The following NDST3 variants were observed in gnomAD, a reference collection of about 807,000 sequenced individuals.
NDST3 encodes N-deacetylase and N-sulfotransferase 3, also known as bifunctional heparan sulfate N-deacetylase/N-sulfotransferase 3.
NDST3 carries 58 observed loss-of-function variants against 96.1 expected under a neutral mutation model. The observed-to-expected ratio is 0.60, with a 90% CI of 0.49 to 0.75. NDST3 has a LOEUF of 0.75. NDST3 is among the 30% of genes least tolerant of loss of function. The pLI is 0.00. For synonymous variants in NDST3, 333 were observed against 359.7 expected, an observed-to-expected ratio of 0.93 and a Z score of 0.84; for missense variants, 788 against 1,034.2, an observed-to-expected ratio of 0.76 and a Z score of 3.27.
chr4:118,118,516 T>G (rs141168679), intron 4 of NDST3, among the ~76,000 whole-genome samples: 2 of 152,374 alleles, frequency 1.3e-5, no homozygotes, highest in African/African-American at 4.8e-5. Flanking sequence ...CTATTATCCT[T>G]TTGCACAATG....
At chr4:118,034,965 C>T (rs1001511889) in intron 1 of NDST3, among the ~76,000 whole-genome samples, 1 of 152,144 alleles carries the variant, frequency 6.6e-6, no homozygotes, top group Admixed American at 6.5e-5. Context: ...ACCTGCCTAT[C>T]TACACAGTAA....
chr4:118,065,308 A>G (rs1378840074), intron 2 of NDST3, among the ~76,000 whole-genome samples: 1 of 152,148 alleles, frequency 6.6e-6, no homozygotes, highest in Non-Finnish European at 1.5e-5. Flanking sequence ...ACATGCTCAA[A>G]CAATTACTCT....
Position 118,166,726 on chromosome 4 carries a change from T to A in NDST3, c.1539+23042T>A, listed in dbSNP as rs1408129858. 2.6e-5 allele frequency among the ~76,000 whole-genome samples: 4 copies of A among 152,030 alleles called. No individual in the cohort carries two copies. In the East Asian group the frequency reaches 7.7e-4, roughly 29 times the overall value. On this transcript the variant is annotated intron_variant, in intron 6 of 13. Coordinates refer to ENST00000296499, the MANE Select transcript of NDST3 (RefSeq NM_004784.3). The stretch of plus-strand genomic sequence containing the variant: ...GACTAAGTGGCATTGATTCTTGGGA[T>A]GCAAGGATGTTTCCACATACAAAAA...
Position 118,256,488 on chromosome 4 carries a change from T to C in NDST3, c.*776T>C, listed in dbSNP as rs542734195. 6.6e-6 allele frequency: 1 copy of C among 152,326 alleles called. No homozygotes were observed. Among genetic ancestry groups the C allele is most frequent in the South Asian group, 2.1e-4 (1 of 4,832 alleles). The allele number at this position is 152,326 out of a possible 1,614,324, so 9.4% of individuals were successfully genotyped here. A position where few individuals can be genotyped will look rare whatever the true frequency, so the allele number is the denominator to read the frequency against. ...AAACAGTAAATAACAATGTAAAGTG[T>C]ACTGACTGAATCCTCTAAAAGGGAG... On this transcript the variant is annotated 3_prime_UTR_variant, in exon 14 of 14. Coordinates refer to ENST00000296499, the MANE Select transcript of NDST3 (RefSeq NM_004784.3).
upstream of NDST3, among the ~76,000 whole-genome samples, chr4:118,033,367 G>A (rs1723979331): frequency 6.6e-6 from 1 of 152,126 alleles, no homozygotes; most frequent in Admixed American, 6.5e-5. Context: ...TTCCCTGGCC[G>A]CACAAGACGT....
intron 6 of NDST3, among the ~76,000 whole-genome samples, chr4:118,187,150 C>T (rs1737016856): frequency 6.6e-6 from 1 of 152,186 alleles, no homozygotes; most frequent in Admixed American, 6.5e-5. Context: ...AAATGAATCT[C>T]TATAATACCC....
At chr4:118,046,805 G>A (rs1170655151) in intron 1 of NDST3, among the ~76,000 whole-genome samples, 2 of 152,190 alleles carry the variant, frequency 1.3e-5, no homozygotes, top group Non-Finnish European at 2.9e-5. Flanking sequence ...AGAGGGGTGA[G>A]ATGCCTATTC....
Position 118,224,672 on chromosome 4 carries a change from A to C in NDST3, c.1721A>C (p.Gln574Pro), listed in dbSNP as rs778002240. Reference sequence around the variant, plus strand: ...CCTGATCAGAAAGACCCTCTCTGGCAGGTAAAATTAATTAAATAATTGATA... The same window carrying C: ...CCTGATCAGAAAGACCCTCTCTGGCCGGTAAAATTAATTAAATAATTGATA... ...LFPDQKDPLWQNPCDDKRHRD... is the reference protein window; with the variant it reads ...LFPDQKDPLWPNPCDDKRHRD... The change falls in exon 7 of 14, where the codon CAG becomes CCG. Residue 574 changes from glutamine (Q) to proline (P), a missense_variant and splice_region_variant. Gln to Pro is a moderately conservative substitution (Grantham distance 76). Transcript: ENST00000296499. 6.4e-7 allele frequency: 1 copy of C among 1,574,366 alleles called. No homozygotes were observed. The highest frequency in any genetic ancestry group is 1.2e-5 in the South Asian group (1 of 82,866).
chr4:118,138,369 G>A (rs1178838327), intron 5 of NDST3, 130 bp downstream of exon 5: 7 of 698,310 alleles, frequency 1.0e-5, no homozygotes, highest in Non-Finnish European at 1.3e-5. Flanking sequence ...AAGCATATTT[G>A]TCATATCTAA....
At chr4:118,079,110 T>C (rs947374847) in intron 2 of NDST3, among the ~76,000 whole-genome samples, 3 of 152,216 alleles carry the variant, frequency 2.0e-5, no homozygotes, top group Non-Finnish European at 2.9e-5. Context: ...AAAATATTAA[T>C]TGGTGTCTAC....
At chr4:118,166,700 T>C (rs1031742972) in intron 6 of NDST3, among the ~76,000 whole-genome samples, 3 of 151,996 alleles carry the variant, frequency 2.0e-5, no homozygotes, top group Non-Finnish European at 2.9e-5. Flanking sequence ...TTATACACCA[T>C]GACTAAGTGG....
At chr4:118,088,320 C>T (rs1174907807) in intron 2 of NDST3, among the ~76,000 whole-genome samples, 1 of 151,972 alleles carries the variant, frequency 6.6e-6, no homozygotes, top group Non-Finnish European at 1.5e-5. Flanking sequence ...TTTTCTGTGA[C>T]TAAAACTTTG....
chr4:118,149,945 A>C (rs1734260837), intron 6 of NDST3, among the ~76,000 whole-genome samples: 2 of 148,450 alleles, frequency 1.3e-5, no homozygotes, highest in African/African-American at 4.9e-5. Context: ...TACCTAATTT[A>C]TTGAGAGTTT....
chr4:118,150,995 C>G (rs1389564184), intron 6 of NDST3, among the ~76,000 whole-genome samples: 1 of 151,480 alleles, frequency 6.6e-6, no homozygotes, highest in East Asian at 1.9e-4. Context: ...CCCAAATGTC[C>G]AACAATGATA....
chr4:118,100,188 G>A (rs561670980), intron 2 of NDST3, among the ~76,000 whole-genome samples: 1 of 152,150 alleles, frequency 6.6e-6, no homozygotes, highest in East Asian at 1.9e-4. Context: ...CCAATTTACT[G>A]AGGGATTGAA....
chr4:118,233,262 T>A, intron 9 of NDST3, 127 bp downstream of exon 9: 1 of 804,914 alleles, frequency 1.2e-6, no homozygotes, highest in South Asian at 4.7e-5. Context: ...CCTTGGAAAT[T>A]GATTGAATAT....
intron 12 of NDST3, among the ~76,000 whole-genome samples, chr4:118,252,684 A>G (rs1228181670): frequency 1.3e-5 from 2 of 152,224 alleles, no homozygotes; most frequent in East Asian, 3.9e-4. Flanking sequence ...TGAGGTCAGG[A>G]GTTTGAGACC....
intron 12 of NDST3, among the ~76,000 whole-genome samples, chr4:118,245,047 C>T (rs898386263): frequency 6.6e-6 from 1 of 152,050 alleles, no homozygotes; most frequent in Non-Finnish European, 1.5e-5. Context: ...AATATATTAA[C>T]ATTACTTTAG....
At chr4:118,087,150 T>G (rs537549737) in intron 2 of NDST3, among the ~76,000 whole-genome samples, 27 of 152,242 alleles carry the variant, frequency 1.8e-4, no homozygotes, top group African/African-American at 6.3e-4. Context: ...GGAAATCTCT[T>G]AACATGTCTG....
Sources: allele counts gnomAD v4.1 joint callset (sites outside exome capture counted in the v4.1 genomes callset), GRCh38; gene constraint gnomAD v4.1.1; transcripts MANE v1.5; gene names NCBI Gene and HGNC (gene_info 2026-07-23, HGNC 2026-07-21).